Variants in COL25A1 observed in about 807,000 individuals in gnomAD.
COL25A1 encodes the protein collagen type XXV alpha 1 chain, also known as collagen alpha-1(XXV) chain.
A neutral mutation model predicts 128.4 loss-of-function variants in COL25A1; 103 were observed. The ratio of observed to expected loss-of-function variants is 0.80; its 90% CI spans 0.68 to 0.94. The LOEUF is 0.94. Among genes scored for constraint, COL25A1 ranks in the 40% least tolerant of loss-of-function variants. COL25A1 has a pLI of 0.00. For missense variants in COL25A1, 745 were observed against 840.0 expected (o/e 0.89, Z 1.40); for synonymous variants, 279 against 277.2 (o/e 1.01, Z -0.06).
chr4:109,077,055 T>C (rs1199239083), intron 3 of COL25A1, among the ~76,000 whole-genome samples: 1 of 152,184 alleles, frequency 6.6e-6, no homozygotes, highest in East Asian at 1.9e-4. Context: ...ACCTCTGCAG[T>C]AAAGGGTCCT....
intron 3 of COL25A1, among the ~76,000 whole-genome samples, chr4:109,230,415 T>C (rs1458584766): frequency 6.6e-6 from 1 of 152,166 alleles, no homozygotes; most frequent in East Asian, 1.9e-4. Flanking sequence ...CCATAAACAG[T>C]GTTATTTGTA....
At chr4:109,059,022 A>G (rs1442250462) in intron 3 of COL25A1, among the ~76,000 whole-genome samples, 3 of 152,306 alleles carry the variant, frequency 2.0e-5, no homozygotes, top group African/African-American at 7.2e-5. Context: ...ATACTAAAAC[A>G]ATTAGTGCAG....
chr4:109,188,613 C>T (rs1775338872), intron 3 of COL25A1, among the ~76,000 whole-genome samples: 1 of 152,096 alleles, frequency 6.6e-6, no homozygotes, highest in South Asian at 2.1e-4. Flanking sequence ...CCAAAGGGGT[C>T]CCAAGAATGG....
At chr4:108,910,709 C>T (rs1744100731) in intron 13 of COL25A1, among the ~76,000 whole-genome samples, 1 of 152,178 alleles carries the variant, frequency 6.6e-6, no homozygotes, top group African/African-American at 2.4e-5. Context: ...TCTTTCTGCA[C>T]CTCAGTTTCC....
At chr4:109,194,266 TTTTATCTC>T (rs1775842439) in intron 3 of COL25A1, among the ~76,000 whole-genome samples, 1 of 152,188 alleles carries the variant, frequency 6.6e-6, no homozygotes, top group Non-Finnish European at 1.5e-5. Context: ...TGCAGGTATA[TTTTATCTC>T]CTCCTTTTCA....
rs1446123499 is a variant in COL25A1 at position 109,237,555 on chromosome 4, T to C, written c.367+63028A>G. Among the ~76,000 whole-genome samples the C allele has an allele frequency of 4.7e-5, 7 of 150,158 alleles. 1 individual carries two copies. The highest frequency in any genetic ancestry group is 2.7e-4 in the Admixed American group (4 of 15,010). On this transcript the variant is annotated intron_variant, in intron 3 of 37. Coordinates refer to ENST00000399132, the MANE Select transcript of COL25A1 (RefSeq NM_198721.4). ...CCGTAAGGGTTATTTAAAGCCAAAA[T>C]TGGCAAGTTTCCACTGGTACTAATG...
rs1433430022 is a variant in COL25A1, at chr4:108,889,219, A to T, written c.975+2T>A. On this transcript the variant is annotated splice_donor_variant, in intron 18 of 37. Coordinates refer to ENST00000399132, the MANE Select transcript of COL25A1 (RefSeq NM_198721.4). LOFTEE classifies it high-confidence loss of function. Reference sequence around the variant, plus strand: ...GGAACACACTAGAGATAGAGATATTACCTTTTGCCCTGGACGACCAGATTC... The same window carrying T: ...GGAACACACTAGAGATAGAGATATTTCCTTTTGCCCTGGACGACCAGATTC... 1 of 1,612,902 alleles carries T rather than the reference A, an allele frequency of 6.2e-7. No individual in the cohort carries two copies. The highest frequency in any genetic ancestry group is 8.5e-7 in the Non-Finnish European group (1 of 1,179,038).
chr4:108,923,891 A>G (rs1391046067), intron 11 of COL25A1, among the ~76,000 whole-genome samples: 1 of 152,206 alleles, frequency 6.6e-6, no homozygotes, highest in Non-Finnish European at 1.5e-5. Flanking sequence ...CTGTTAATCA[A>G]TGAAATGGTC....
At chr4:108,957,721 G>A (rs1302211544) in intron 8 of COL25A1, among the ~76,000 whole-genome samples, 1 of 152,178 alleles carries the variant, frequency 6.6e-6, no homozygotes, top group Non-Finnish European at 1.5e-5. Flanking sequence ...GAAGTTTTTA[G>A]GTAATTAGCT....
intron 3 of COL25A1, among the ~76,000 whole-genome samples, chr4:109,137,017 C>T (rs573368342): frequency 4.3e-4 from 66 of 152,314 alleles, no homozygotes; most frequent in African/African-American, 1.6e-3. Flanking sequence ...TTGATTGCAG[C>T]TTTGTGACAG....
chr4:109,232,551 G>C (rs1208390595), intron 3 of COL25A1, among the ~76,000 whole-genome samples: 1 of 152,100 alleles, frequency 6.6e-6, no homozygotes, highest in Non-Finnish European at 1.5e-5. Flanking sequence ...ACTTGATCAA[G>C]AATGTTAGCC....
Position 109,269,179 on chromosome 4 carries a change from G to A in COL25A1, c.367+31404C>T, listed in dbSNP as rs927880104. On this transcript the variant is annotated intron_variant, in intron 3 of 37. Coordinates refer to ENST00000399132, the MANE Select transcript of COL25A1 (RefSeq NM_198721.4). ...TTCCCACCTATGAGTGAGAATATGCGGTGTTTGGTTTTTTGTTCTTGCGAT... is the reference window on the plus strand; with the variant it reads ...TTCCCACCTATGAGTGAGAATATGCAGTGTTTGGTTTTTTGTTCTTGCGAT... Among the ~76,000 whole-genome samples, 521 of 149,926 alleles carry A rather than the reference G, an allele frequency of 3.5e-3. 5 individuals carry two copies. The highest frequency in any genetic ancestry group is 0.012 in the African/African-American group (482 of 40,660).
At chr4:108,821,608 G>C (rs1297385272) in intron 35 of COL25A1, among the ~76,000 whole-genome samples, 1 of 152,154 alleles carries the variant, frequency 6.6e-6, no homozygotes, top group Non-Finnish European at 1.5e-5. Context: ...CCACTCAACA[G>C]AAAAATGTCA....
chr4:109,174,588 T>C (rs958672340), intron 3 of COL25A1, among the ~76,000 whole-genome samples: 18 of 152,128 alleles, frequency 1.2e-4, no homozygotes, highest in Non-Finnish European at 2.1e-4. Context: ...GCAGGGCATA[T>C]GGAGTCCTCC....
At chr4:109,182,706 G>A (rs999568350) in intron 3 of COL25A1, among the ~76,000 whole-genome samples, 1 of 152,110 alleles carries the variant, frequency 6.6e-6, no homozygotes, top group East Asian at 1.9e-4. Context: ...ACAAAACTGC[G>A]ATGACAGACA....
intron 3 of COL25A1, among the ~76,000 whole-genome samples, chr4:109,261,106 T>C (rs1359977417): frequency 6.6e-6 from 1 of 152,248 alleles, no homozygotes. Context: ...TTTCAAAATA[T>C]ATTTCCTTGA....
chr4:108,876,890 T>G (rs1739518296), intron 19 of COL25A1, among the ~76,000 whole-genome samples: 1 of 152,212 alleles, frequency 6.6e-6, no homozygotes, highest in African/African-American at 2.4e-5. Flanking sequence ...TAACATTAAT[T>G]AATAGCTCAC....
rs115718459 is a variant in COL25A1, at chr4:109,189,113, T to C, written c.367+111470A>G. Among the ~76,000 whole-genome samples, 762 of 152,280 alleles carry C rather than the reference T, an allele frequency of 5.0e-3. 4 individuals are homozygous for C. Among genetic ancestry groups the C allele is most frequent in the Non-Finnish European group, 7.1e-3 (482 of 68,016 alleles). ...CATGTATAATTCTCTTACTGTTGGG[T>C]ACTTAGGTTTTTATATTTTCCAATT... On this transcript the variant is annotated intron_variant, in intron 3 of 37. Coordinates refer to ENST00000399132, the MANE Select transcript of COL25A1 (RefSeq NM_198721.4).
chr4:109,045,786 T>C (rs2125934874), intron 5 of COL25A1, among the ~76,000 whole-genome samples: 1 of 152,310 alleles, frequency 6.6e-6, no homozygotes, highest in East Asian at 1.9e-4. Context: ...CCAGTCAGTA[T>C]GGAAACTCAT....
Sources: allele counts gnomAD v4.1 joint callset (sites outside exome capture counted in the v4.1 genomes callset), GRCh38; gene constraint gnomAD v4.1.1; transcripts MANE v1.5; gene names NCBI Gene and HGNC (gene_info 2026-07-23, HGNC 2026-07-21).